The following VPS50 variants were observed in gnomAD, a reference collection of about 807,000 sequenced individuals.
VPS50 encodes VPS50 subunit of EARP/GARPII complex, also known as syndetin.
Under a neutral mutation model 139.7 loss-of-function variants are expected in VPS50, and 70 were observed. That is an observed-to-expected ratio of 0.50 (90% CI 0.41 to 0.61). The LOEUF (loss-of-function observed/expected upper bound fraction) is 0.61. Ranked by LOEUF, VPS50 falls within the 20% of genes least tolerant of loss-of-function variation. VPS50 has a pLI of 0.00. For missense variants in VPS50, 921 were observed against 1,133.7 expected, an observed-to-expected ratio of 0.81 and a Z score of 2.69; for synonymous variants, 365 against 376.7, an observed-to-expected ratio of 0.97 and a Z score of 0.36.
At chr7:93,317,785 CAG>C (rs1797471487) in intron 20 of VPS50, among the ~76,000 whole-genome samples, 1 of 152,112 alleles carries the variant, frequency 6.6e-6, no homozygotes, top group African/African-American at 2.4e-5. Context: ...GATTACATAA[CAG>C]ATAATTAAAA....
chr7:93,349,459 G>T (rs1399571812), intron 24 of VPS50, among the ~76,000 whole-genome samples: 1 of 152,162 alleles, frequency 6.6e-6, no homozygotes, highest in Non-Finnish European at 1.5e-5. Flanking sequence ...TTAGTTTTCT[G>T]GGGGCATTGT....
Position 93,312,643 on chromosome 7 carries a change from TTCTTCTATTTCTTCTA to T in VPS50, c.1855+1389_1855+1404del, listed in dbSNP as rs1336638153. ...GCATTTTTTTCTTCTATTTCTTCTA[TTCTTCTATTTCTTCTA>T]TCTTCTATTTCTTCTATTCTTCTAT... On this transcript the variant is annotated intron_variant, in intron 20 of 27. Transcript: ENST00000305866. 5.9e-5 allele frequency among the ~76,000 whole-genome samples: 9 copies of T among 151,870 alleles called. No individual in the cohort carries two copies. In the South Asian group the frequency reaches 8.5e-4, roughly 14 times the overall value.
At chr7:93,247,746 A>T (rs938307655) in intron 2 of VPS50, among the ~76,000 whole-genome samples, 12 of 152,040 alleles carry the variant, frequency 7.9e-5, no homozygotes, top group African/African-American at 2.7e-4. Flanking sequence ...ATGGGAATTT[A>T]AAAAATTGTT....
rs1268015032 is a variant in VPS50 at position 93,356,026 on chromosome 7, T to C, written c.2721T>C (p.Ile907=). Residue 907 remains isoleucine (I), a synonymous_variant, in exon 27 of 28, where the codon ATT becomes ATC. Coordinates refer to ENST00000305866, the MANE Select transcript of VPS50 (RefSeq NM_017667.4). ...ATAAAGAATTTGTAGAAACTTATAT[T>C]AAAGCTTATTACCTAACTGAGAATG... ...IPDKEFVETY[I]KAYYLTENDM... 9 of 1,571,830 alleles carry C rather than the reference T, an allele frequency of 5.7e-6. No homozygotes were observed. Among genetic ancestry groups the C allele is most frequent in the Non-Finnish European group, 7.8e-6 (9 of 1,148,680 alleles).
chr7:93,249,420 A>G (rs762997481), intron 2 of VPS50, among the ~76,000 whole-genome samples: 1 of 152,098 alleles, frequency 6.6e-6, no homozygotes, highest in Non-Finnish European at 1.5e-5. Context: ...ATTGCAGCTA[A>G]AAATCCAAGT....
intron 12 of VPS50, among the ~76,000 whole-genome samples, chr7:93,284,604 C>T (rs1177680880): frequency 6.6e-6 from 1 of 151,980 alleles, no homozygotes; most frequent in Non-Finnish European, 1.5e-5. Flanking sequence ...TGTTTTTCTC[C>T]CCGATTATAT....
At chr7:93,232,602 G>A (rs1794667878) in intron 1 of VPS50, 102 bp downstream of exon 1, 1 of 1,018,486 alleles carries the variant, frequency 9.8e-7, no homozygotes, top group South Asian at 1.3e-5. Context: ...CTAAGTTATG[G>A]GTGGTGGCAG....
chr7:93,294,907 A>G (rs775680682), intron 14 of VPS50, among the ~76,000 whole-genome samples: 2 of 152,160 alleles, frequency 1.3e-5, no homozygotes, highest in Non-Finnish European at 2.9e-5. Flanking sequence ...AATTTCCACT[A>G]TCATAGAGAA....
chr7:93,234,177 C>T (rs1034526639), intron 1 of VPS50, among the ~76,000 whole-genome samples: 1 of 152,210 alleles, frequency 6.6e-6, no homozygotes, highest in Non-Finnish European at 1.5e-5. Context: ...GCCTGCCATA[C>T]AGTTCAGTGT....
chr7:93,299,191 G>A (rs919514450), intron 16 of VPS50, among the ~76,000 whole-genome samples: 21 of 152,064 alleles, frequency 1.4e-4, no homozygotes, highest in Non-Finnish European at 2.5e-4. Context: ...AAATTATAGT[G>A]GAAGTCATTT....
intron 22 of VPS50, among the ~76,000 whole-genome samples, chr7:93,336,438 AC>A (rs1476833805): frequency 6.6e-6 from 1 of 152,244 alleles, no homozygotes; most frequent in Non-Finnish European, 1.5e-5. Context: ...GGCGATAGTG[AC>A]AGCAGAAAGT....
chr7:93,238,181 C>T (rs1049363043), intron 1 of VPS50, among the ~76,000 whole-genome samples: 1 of 152,166 alleles, frequency 6.6e-6, no homozygotes, highest in African/African-American at 2.4e-5. Context: ...AGTTTTGATG[C>T]TATTCCCTCA....
At chr7:93,318,934 A>G (rs1797516657) in intron 20 of VPS50, among the ~76,000 whole-genome samples, 1 of 152,068 alleles carries the variant, frequency 6.6e-6, no homozygotes, top group Admixed American at 6.5e-5. Context: ...TTAAGAAAAT[A>G]TTTATTTTTA....
intron 12 of VPS50, among the ~76,000 whole-genome samples, chr7:93,286,780 A>C (rs552382118): frequency 6.6e-6 from 1 of 152,198 alleles, no homozygotes; most frequent in South Asian, 2.1e-4. Context: ...TTTGGAGGTC[A>C]TTTTTATAAA....
chr7:93,257,166 A>T lies in VPS50; in HGVS notation c.352-228A>T, dbSNP rs1028998347. 2.6e-5 allele frequency among the ~76,000 whole-genome samples: 4 copies of T among 152,206 alleles called. No homozygotes were observed. The South Asian group carries it at 6.2e-4, about 24-fold the overall frequency. On this transcript the variant is annotated intron_variant, in intron 5 of 27. Coordinates refer to ENST00000305866, the MANE Select transcript of VPS50 (RefSeq NM_017667.4). ...CTAGATTTCCTTACAAGCAATACTG[A>T]CTAAATATTTTGTCATCTGTCATTG...
intron 23 of VPS50, among the ~76,000 whole-genome samples, chr7:93,348,186 A>G (rs994154712): frequency 6.6e-6 from 1 of 152,140 alleles, no homozygotes; most frequent in Non-Finnish European, 1.5e-5. Flanking sequence ...AGGCTCCTTC[A>G]CCAGCCCACT....
chr7:93,356,641 T>C (rs996528835), intron 27 of VPS50, among the ~76,000 whole-genome samples: 6 of 152,174 alleles, frequency 3.9e-5, no homozygotes, highest in African/African-American at 1.4e-4. Context: ...TATGACTATA[T>C]AGATAACGAA....
At chr7:93,298,423 TGGG>T (rs1788698389) in intron 16 of VPS50, among the ~76,000 whole-genome samples, 1 of 152,070 alleles carries the variant, frequency 6.6e-6, no homozygotes, top group South Asian at 2.1e-4. Flanking sequence ...TAATCATGGA[TGGG>T]GAAATAAAAT....
At chr7:93,301,097 C>A (rs1051398838) in intron 16 of VPS50, among the ~76,000 whole-genome samples, 4 of 151,994 alleles carry the variant, frequency 2.6e-5, no homozygotes, top group African/African-American at 7.2e-5. Flanking sequence ...GAGTTCAAGA[C>A]CAGCCTGGCC....
Sources: allele counts gnomAD v4.1 joint callset (sites outside exome capture counted in the v4.1 genomes callset), GRCh38; gene constraint gnomAD v4.1.1; transcripts MANE v1.5; gene names NCBI Gene and HGNC (gene_info 2026-07-23, HGNC 2026-07-21).